RBFOX1: variants seen among roughly 807,000 people sequenced by gnomAD.
The protein encoded by RBFOX1 is RNA binding fox-1 homolog 1, also known as RNA binding protein fox-1 homolog 1.
RBFOX1 carries 8 observed loss-of-function variants against 57.7 expected under a neutral mutation model. The observed-to-expected ratio is 0.14, with a 90% confidence interval of 0.08 to 0.25. The LOEUF (loss-of-function observed/expected upper bound fraction) is 0.25, where lower values mean the gene tolerates loss of function less well. Among genes scored for constraint, RBFOX1 ranks in the 10% least tolerant of loss-of-function variants. RBFOX1 has a pLI of 1.00. For synonymous variants in RBFOX1, 326 were observed against 222.4 expected (o/e 1.47, Z -4.15); for missense variants, 611 against 548.5 (o/e 1.11, Z -1.14).
chr16:7,581,445 T>A (rs1000795337), intron 6 of RBFOX1, among the ~76,000 whole-genome samples: 1 of 152,158 alleles, frequency 6.6e-6, no homozygotes, highest in Non-Finnish European at 1.5e-5. Flanking sequence ...GCAGTCTATT[T>A]TTTTCTCATC....
chr16:6,262,951 C>G (rs13332769), intron 1 of RBFOX1, among the ~76,000 whole-genome samples: 1 of 152,058 alleles, frequency 6.6e-6, no homozygotes, highest in Non-Finnish European at 1.5e-5. Flanking sequence ...GGAGAGGGCC[C>G]GCTTTAGATG....
chr16:5,275,600 G>T (rs747737320), intron 1 of RBFOX1, among the ~76,000 whole-genome samples: 11 of 152,164 alleles, frequency 7.2e-5, no homozygotes, highest in Non-Finnish European at 1.5e-4. Flanking sequence ...TTGTGAAAAT[G>T]ACCATACTGC....
intron 3 of RBFOX1, among the ~76,000 whole-genome samples, chr16:5,757,894 C>A (rs17187180): frequency 0.029 from 4,368 of 152,244 alleles, 87 homozygotes; most frequent in South Asian, 0.077. Context: ...GAAGCTCTGA[C>A]AATAAATCTT....
At chr16:5,557,681 G>A (rs577646873) in intron 2 of RBFOX1, among the ~76,000 whole-genome samples, 1 of 152,306 alleles carries the variant, frequency 6.6e-6, no homozygotes, top group South Asian at 2.1e-4. Flanking sequence ...ACACTTGTAG[G>A]CTTGTGGTGC....
At chr16:7,595,773 T>C (rs2094653186) in intron 8 of RBFOX1, 132 bp downstream of exon 8, 1 of 354,382 alleles carries the variant, frequency 2.8e-6, no homozygotes, top group South Asian at 1.3e-4. Flanking sequence ...TATATATATA[T>C]ATTTTTATAT....
rs972088205 is a variant in RBFOX1, at chr16:5,946,659, G to T, written c.351+79324G>T. 8.5e-5 allele frequency among the ~76,000 whole-genome samples: 13 copies of T among 152,182 alleles called. No individual in the cohort carries two copies. Among genetic ancestry groups the T allele is most frequent in the African/African-American group, 3.1e-4 (13 of 41,440 alleles). On this transcript the variant is annotated intron_variant, in intron 4 of 19. Coordinates refer to the RBFOX1 transcript ENST00000641259. The surrounding 1 kb of genome is among the most constrained non-coding windows in gnomAD (Gnocchi z 4.6). ...GCTAGGCAACTATTGAACCAGAGAA[G>T]GGGGTTATGAGAATCTCTGATTTAT...
At chr16:6,575,771 C>T (rs989666012) in intron 2 of RBFOX1, among the ~76,000 whole-genome samples, 2 of 151,624 alleles carry the variant, frequency 1.3e-5, no homozygotes, top group Non-Finnish European at 2.9e-5. Flanking sequence ...GCAGGAGAAT[C>T]GCTTGAACCC....
At chr16:5,863,679 A>G (rs1295601909) in intron 3 of RBFOX1, among the ~76,000 whole-genome samples, 3 of 152,204 alleles carry the variant, frequency 2.0e-5, no homozygotes, top group Non-Finnish European at 4.4e-5. Flanking sequence ...GCCTCAGTAA[A>G]GTTTACCCCT....
chr16:5,804,492 G>C (rs2055164015), intron 3 of RBFOX1, among the ~76,000 whole-genome samples: 1 of 152,188 alleles, frequency 6.6e-6, no homozygotes, highest in Non-Finnish European at 1.5e-5. Context: ...GGGAGTCCCT[G>C]GGGTATTTCC....
At chr16:7,327,976 GACACAGCCA>G (rs1216049737) in intron 4 of RBFOX1, among the ~76,000 whole-genome samples, 1 of 152,128 alleles carries the variant, frequency 6.6e-6, no homozygotes, top group East Asian at 1.9e-4. Flanking sequence ...TCATCTTCCA[GACACAGCCA>G]ACACTTCTGT....
chr16:5,709,764 C>A (rs1189096420), intron 3 of RBFOX1, among the ~76,000 whole-genome samples: 5 of 125,282 alleles, frequency 4.0e-5, no homozygotes, highest in African/African-American at 1.6e-4. Flanking sequence ...CAATATCTCC[C>A]ATTTATGAAG....
At chr16:6,931,975 C>A (rs886554421) in intron 3 of RBFOX1, among the ~76,000 whole-genome samples, 14 of 152,058 alleles carry the variant, frequency 9.2e-5, no homozygotes, top group African/African-American at 3.4e-4. Context: ...GAATCAACTC[C>A]CAAGATAACT....
At chr16:6,542,656 C>A (rs1475416369) in intron 2 of RBFOX1, among the ~76,000 whole-genome samples, 1 of 151,598 alleles carries the variant, frequency 6.6e-6, no homozygotes, top group Non-Finnish European at 1.5e-5. Flanking sequence ...TGCCTGGCGG[C>A]TAATTTTTTG....
intron 4 of RBFOX1, among the ~76,000 whole-genome samples, chr16:5,976,140 A>G (rs113975021): frequency 2.0e-5 from 3 of 152,206 alleles, no homozygotes; most frequent in African/African-American, 7.2e-5. Context: ...GTGAGATTCA[A>G]TCTCAAAATA....
At chr16:6,585,176 C>T (rs1157082906) in intron 2 of RBFOX1, among the ~76,000 whole-genome samples, 1 of 152,208 alleles carries the variant, frequency 6.6e-6, no homozygotes, top group Non-Finnish European at 1.5e-5. Flanking sequence ...TGCCAGGAAT[C>T]CTAATGTCCT....
At position 7,651,159 on chromosome 16, in the gene RBFOX1, G is replaced by A. The variant is rs116640408; in HGVS notation, c.758-2656G>A. 3.4e-3 allele frequency among the ~76,000 whole-genome samples: 517 copies of A among 152,288 alleles called. 3 individuals carry two copies. The highest frequency in any genetic ancestry group is 0.012 in the African/African-American group (495 of 41,558). On this transcript the variant is annotated intron_variant, in intron 11 of 15. Transcript: ENST00000550418. Reference sequence around the variant, plus strand: ...GTTCTACAATCCTCGTATTTTACCCGCATTGTGATAGAAAGATGCGGTAGA... The same window carrying A: ...GTTCTACAATCCTCGTATTTTACCCACATTGTGATAGAAAGATGCGGTAGA...
At chr16:5,303,839 T>G (rs1363275743) in intron 1 of RBFOX1, among the ~76,000 whole-genome samples, 1 of 152,142 alleles carries the variant, frequency 6.6e-6, no homozygotes, top group Non-Finnish European at 1.5e-5. Flanking sequence ...GAGATGCCTT[T>G]TTTCCCCTGG....
chr16:7,019,118 G>T (rs1262521637), intron 3 of RBFOX1, among the ~76,000 whole-genome samples: 1 of 151,930 alleles, frequency 6.6e-6, no homozygotes, highest in Admixed American at 6.6e-5. Flanking sequence ...AGACTGAGAG[G>T]TAATGATACT....
intron 3 of RBFOX1, among the ~76,000 whole-genome samples, chr16:6,807,689 G>A (rs1050717963): frequency 3.3e-5 from 5 of 152,110 alleles, no homozygotes; most frequent in South Asian, 2.1e-4. Context: ...GGTGGCAGAC[G>A]CCTGTAATCG....
Sources: allele counts gnomAD v4.1 joint callset (sites outside exome capture counted in the v4.1 genomes callset), GRCh38; gene constraint gnomAD v4.1.1; non-coding constraint Gnocchi (gnomAD v3.1); transcripts MANE v1.5; gene names NCBI Gene and HGNC (gene_info 2026-07-23, HGNC 2026-07-21).